CDK19: variants seen among roughly 807,000 people sequenced by gnomAD.
CDK19 encodes cyclin-dependent kinase 19.
Under a neutral mutation model 68.3 loss-of-function variants are expected in CDK19, and 20 were observed. That is an observed-to-expected ratio of 0.29 (90% CI 0.21 to 0.43). The LOEUF is 0.43. CDK19 is among the 20% of genes least tolerant of loss of function. CDK19 has a pLI of 1.00. For missense variants in CDK19, 339 were observed against 623.5 expected (o/e 0.54, Z 4.86); for synonymous variants, 221 against 222.8 (o/e 0.99, Z 0.07).
intron 2 of CDK19, among the ~76,000 whole-genome samples, chr6:110,693,195 G>A (rs1773170675): frequency 6.6e-6 from 1 of 152,150 alleles, no homozygotes; most frequent in Non-Finnish European, 1.5e-5. Context: ...CTCACTGCAG[G>A]AGCGTACCAG....
In CDK19 at chr6:110,815,406, T is replaced by G; in HGVS notation, c.-270A>C. 11 of 299,964 alleles carry G rather than the reference T, an allele frequency of 3.7e-5. No homozygotes were observed. Among genetic ancestry groups the G allele is most frequent in the Non-Finnish European group, 5.5e-5 (9 of 164,206 alleles). The allele number at this position is 299,964 out of a possible 1,614,324, so 18.6% of individuals were successfully genotyped here. On this transcript the variant is annotated 5_prime_UTR_variant, in exon 1 of 13. An upstream start codon of the reference 5' UTR is lost. Transcript: ENST00000368911. ...CCCCCAGTCCCGCCTCCCTCCTTCA[T>G]TTCCTTGTTTTGGAACCTGGTGGGC...
At position 110,687,247 on chromosome 6, in the gene CDK19, T is replaced by G. The variant is rs1022748297; in HGVS notation, c.205-16706A>C. ...GTTCCACTTTTCAGGACATTGGGCATTATCAGTGGTCAGACACCCCACCCC... is the reference window on the plus strand; with the variant it reads ...GTTCCACTTTTCAGGACATTGGGCAGTATCAGTGGTCAGACACCCCACCCC... On this transcript the variant is annotated intron_variant, in intron 2 of 12. Coordinates refer to ENST00000368911, the MANE Select transcript of CDK19 (RefSeq NM_015076.5). Among the ~76,000 whole-genome samples the G allele has an allele frequency of 8.7e-4, 132 of 152,258 alleles. 1 individual carries two copies. The highest frequency in any genetic ancestry group is 3.0e-3 in the African/African-American group (125 of 41,548).
At chr6:110,727,864 A>G (rs1199715351) in intron 2 of CDK19, among the ~76,000 whole-genome samples, 1 of 151,900 alleles carries the variant, frequency 6.6e-6, no homozygotes, top group East Asian at 1.9e-4. Flanking sequence ...GTAAATCCCT[A>G]TTGTCCCAGC....
At chr6:110,730,727 A>C (rs1435663689) in intron 2 of CDK19, among the ~76,000 whole-genome samples, 1 of 152,228 alleles carries the variant, frequency 6.6e-6, no homozygotes, top group Non-Finnish European at 1.5e-5. Context: ...TTGGACCAGC[A>C]GCATCAGCAT....
chr6:110,716,142 G>C (rs1356292478), intron 2 of CDK19, among the ~76,000 whole-genome samples: 2 of 152,048 alleles, frequency 1.3e-5, no homozygotes, highest in African/African-American at 4.8e-5. Context: ...TTAATTTAAA[G>C]ATATAACATA....
At chr6:110,618,611 A>G (rs1170192746) in intron 12 of CDK19, among the ~76,000 whole-genome samples, 1 of 152,230 alleles carries the variant, frequency 6.6e-6, no homozygotes, top group Non-Finnish European at 1.5e-5. Context: ...GACCTCCCTC[A>G]GCCCACTGGT....
Position 110,815,162 on chromosome 6 carries a change from G to A in CDK19, c.-26C>T. On this transcript the variant is annotated 5_prime_UTR_variant, in exon 1 of 13. Transcript: ENST00000368911. ...TGTCTGCTTCCCCCATAGAGGCACG[G>A]GACGCGGGGGCCGCCGCCGCTCAGT... 1 of 1,564,438 alleles carries A rather than the reference G, an allele frequency of 6.4e-7. No homozygotes were observed. Among genetic ancestry groups the A allele is most frequent in the Non-Finnish European group, 8.6e-7 (1 of 1,156,930 alleles).
At chr6:110,777,190 G>C (rs1780464681) in intron 1 of CDK19, among the ~76,000 whole-genome samples, 1 of 151,826 alleles carries the variant, frequency 6.6e-6, no homozygotes, top group Non-Finnish European at 1.5e-5. Flanking sequence ...CAATTAAAAT[G>C]ATGTTGTATA....
chr6:110,672,238 C>A (rs563802304), intron 2 of CDK19, among the ~76,000 whole-genome samples: 1 of 152,136 alleles, frequency 6.6e-6, no homozygotes, highest in Admixed American at 6.6e-5. Flanking sequence ...ATTACCTATG[C>A]AAAATATGTT....
rs574308851 is a variant in CDK19 at position 110,758,638 on chromosome 6, C to CT, written c.129-12438dup. Among the ~76,000 whole-genome samples, 29 of 152,158 alleles carry CT rather than the reference C, an allele frequency of 1.9e-4. 1 individual carries two copies. In the South Asian group the frequency reaches 3.7e-3, roughly 20 times the overall value. ...CACAGTAATAAGAAAATCTAGAAAA[C>CT]TGTCTTTTAACTACACTCCAAAGAT... On this transcript the variant is annotated intron_variant, in intron 1 of 12. Coordinates refer to ENST00000368911, the MANE Select transcript of CDK19 (RefSeq NM_015076.5).
intron 2 of CDK19, among the ~76,000 whole-genome samples, chr6:110,686,436 G>A (rs1378555557): frequency 6.6e-6 from 1 of 152,172 alleles, no homozygotes; most frequent in African/African-American, 2.4e-5. Flanking sequence ...TCTTCTGGGT[G>A]CAAACATCAG....
intron 2 of CDK19, among the ~76,000 whole-genome samples, chr6:110,740,967 C>A (rs1777616731): frequency 2.0e-5 from 3 of 151,766 alleles, no homozygotes; most frequent in African/African-American, 7.3e-5. Context: ...AGGGGCTCAA[C>A]AGCAGAAGAA....
intron 1 of CDK19, chr6:110,813,212 A>G (rs1197997514): frequency 6.6e-6 from 1 of 152,202 alleles, no homozygotes; most frequent in Non-Finnish European, 1.5e-5. Context: ...AAAGAATAGA[A>G]GCAAGAATTA....
intron 2 of CDK19, chr6:110,670,813 G>T: frequency 1.9e-6 from 1 of 537,622 alleles, no homozygotes; most frequent in Non-Finnish European, 3.5e-6. Flanking sequence ...AAGCAGGAAT[G>T]TGTTTTTAAA....
chr6:110,731,030 C>T (rs1041759170), intron 2 of CDK19, among the ~76,000 whole-genome samples: 3 of 140,726 alleles, frequency 2.1e-5, no homozygotes, highest in South Asian at 2.2e-4. Context: ...CCAGCTTGGG[C>T]GACAAGAGCA....
intron 1 of CDK19, among the ~76,000 whole-genome samples, chr6:110,764,200 A>G (rs1163220549): frequency 6.6e-6 from 1 of 152,230 alleles, no homozygotes; most frequent in Non-Finnish European, 1.5e-5. Flanking sequence ...CTATAGATAC[A>G]ACATAATCCC....
chr6:110,734,827 T>C (rs1247731705), intron 2 of CDK19, among the ~76,000 whole-genome samples: 2 of 152,128 alleles, frequency 1.3e-5, no homozygotes, highest in Non-Finnish European at 2.9e-5. Flanking sequence ...GGAAAAACTG[T>C]ATTCACTACT....
At chr6:110,674,525 T>C (rs1771308695) in intron 2 of CDK19, among the ~76,000 whole-genome samples, 1 of 151,796 alleles carries the variant, frequency 6.6e-6, no homozygotes, top group Non-Finnish European at 1.5e-5. Context: ...CACACAAAGA[T>C]AAGAAAGCAA....
rs963001776 is a variant in CDK19 at position 110,802,027 on chromosome 6, A to G, written c.128+12982T>C. Among the ~76,000 whole-genome samples, 8 of 152,332 alleles carry G rather than the reference A, an allele frequency of 5.3e-5. 1 individual carries two copies. In the South Asian group the frequency reaches 1.7e-3, roughly 32 times the overall value. On this transcript the variant is annotated intron_variant, in intron 1 of 12. Transcript: ENST00000368911. ...AGAATTGCTATTATCAAAAATAAAA[A>G]GCAAGAGATGTTGGCAAGGTTGAGG... is the stretch of plus-strand genomic sequence containing the variant.
Sources: gnomAD v4.1 joint callset for allele counts (sites outside exome capture counted in the v4.1 genomes callset) on GRCh38, gnomAD v4.1.1 for gene constraint, MANE v1.5 for transcripts, NCBI Gene and HGNC (gene_info 2026-07-23, HGNC 2026-07-21) for gene names.